Variants in CHODL observed in about 807,000 individuals in gnomAD.
The protein encoded by CHODL is transmembrane protein MT75.
A neutral mutation model predicts 34.5 loss-of-function variants in CHODL; 29 were observed. The observed-to-expected ratio is 0.84, with a 90% confidence interval of 0.63 to 1.15. CHODL has a LOEUF of 1.15. Among genes scored for constraint, CHODL ranks in the 50% most tolerant of loss-of-function variants. The probability of loss-of-function intolerance (pLI) is 0.00; values close to 1 mark genes in which losing one functional copy is unlikely to be tolerated. For missense variants in CHODL, 332 were observed against 332.5 expected, an observed-to-expected ratio of 1.00 and a Z score of 0.01; for synonymous variants, 125 against 116.1, an observed-to-expected ratio of 1.08 and a Z score of -0.49.
In CHODL at chr21:18,251,588, T is replaced by G. The variant is rs1459903692; in HGVS notation, c.80-4921T>G. Among the ~76,000 whole-genome samples, 3 of 3,288 alleles carry G rather than the reference T, an allele frequency of 9.1e-4. No individual in the cohort carries two copies. The Admixed American group carries it at 9.4e-3, about 10-fold the overall frequency. 2.2% of individuals were successfully genotyped at this position (3,288 alleles called of 152,430 possible). A position where few individuals can be genotyped will look rare whatever the true frequency, so the allele number is the denominator to read the frequency against. On this transcript the variant is annotated intron_variant, in intron 1 of 5. Coordinates refer to ENST00000299295, the MANE Select transcript of CHODL (RefSeq NM_024944.3). ...TTTATTTATTTTAATATATAAAATA[T>G]TTATTTTATTTATTTATTTTAATAT...
intron 2 of CHODL, among the ~76,000 whole-genome samples, chr21:18,211,920 GTCTA>G (rs745411150): frequency 6.6e-6 from 1 of 152,066 alleles, no homozygotes; most frequent in Non-Finnish European, 1.5e-5. Context: ...ATATATGAGA[GTCTA>G]TCTATTAAGA....
At chr21:18,128,888 C>T (rs902488028) in intron 2 of CHODL, among the ~76,000 whole-genome samples, 3 of 151,986 alleles carry the variant, frequency 2.0e-5, no homozygotes, top group African/African-American at 4.8e-5. Context: ...TTATTGTAGA[C>T]GTATGAAACT....
At chr21:18,135,932 C>T (rs2072717252) in intron 2 of CHODL, among the ~76,000 whole-genome samples, 1 of 151,670 alleles carries the variant, frequency 6.6e-6, no homozygotes, top group East Asian at 1.9e-4. Context: ...CATGGTGAAA[C>T]CCCGTCTCTA....
intron 2 of CHODL, among the ~76,000 whole-genome samples, chr21:18,039,931 G>A (rs1385229644): frequency 6.6e-6 from 1 of 151,746 alleles, no homozygotes; most frequent in Non-Finnish European, 1.5e-5. Context: ...TTTAACACAT[G>A]TTGAGACTTT....
intron 2 of CHODL, among the ~76,000 whole-genome samples, chr21:18,180,956 A>C (rs1312863912): frequency 2.6e-5 from 4 of 152,224 alleles, no homozygotes; most frequent in Non-Finnish European, 5.9e-5. Flanking sequence ...TTGAATACAA[A>C]ATGCTAAGCC....
At position 18,049,435 on chromosome 21, in the gene CHODL, A is replaced by G. The variant is rs567218098; in HGVS notation, c.-45+21464A>G. ...TCAAGATCAAACATGACTCAGATGTATAACAATACTACTTAGGAAAGTAGT... is the reference window on the plus strand; with the variant it reads ...TCAAGATCAAACATGACTCAGATGTGTAACAATACTACTTAGGAAAGTAGT... On this transcript the variant is annotated intron_variant, in intron 2 of 6. Coordinates refer to the CHODL transcript ENST00000400127. 3.9e-5 allele frequency among the ~76,000 whole-genome samples: 6 copies of G among 152,132 alleles called. No homozygotes were observed. In the South Asian group the frequency reaches 1.0e-3, roughly 26 times the overall value.
chr21:18,102,627 A>G (rs1194303128), intron 2 of CHODL, among the ~76,000 whole-genome samples: 2 of 152,232 alleles, frequency 1.3e-5, no homozygotes, highest in African/African-American at 4.8e-5. Flanking sequence ...TACAGTGTAT[A>G]TAATGCATAG....
chr21:18,077,654 C>A (rs566894076), intron 2 of CHODL, among the ~76,000 whole-genome samples: 5 of 152,234 alleles, frequency 3.3e-5, no homozygotes, highest in African/African-American at 9.6e-5. Flanking sequence ...AGCTCCTTTG[C>A]CCATTTTGCA....
intron 2 of CHODL, among the ~76,000 whole-genome samples, chr21:18,028,332 T>TTCCTTCCTTC (rs1203578771): frequency 6.8e-6 from 1 of 148,126 alleles, no homozygotes; most frequent in Admixed American, 6.8e-5. Flanking sequence ...CCTTCCTTCC[T>TTCCTTCCTTC]CTCTGTTTCT....
chr21:18,002,760 C>G (rs888362385), intron 1 of CHODL, among the ~76,000 whole-genome samples: 7 of 152,122 alleles, frequency 4.6e-5, no homozygotes, highest in African/African-American at 1.7e-4. Context: ...GTTTGATGGA[C>G]AGAGAGGCCT....
chr21:18,056,844 C>T (rs1416858170), intron 2 of CHODL, among the ~76,000 whole-genome samples: 1 of 151,872 alleles, frequency 6.6e-6, no homozygotes, highest in Non-Finnish European at 1.5e-5. Flanking sequence ...TTCTTTTCTC[C>T]TCCCCATGGT....
chr21:18,150,449 T>C (rs2072949579), intron 2 of CHODL, among the ~76,000 whole-genome samples: 1 of 152,122 alleles, frequency 6.6e-6, no homozygotes, highest in Non-Finnish European at 1.5e-5. Flanking sequence ...ATTTCATTTT[T>C]GGTTTGCAGT....
chr21:18,208,738 G>A (rs2073740620), intron 2 of CHODL, among the ~76,000 whole-genome samples: 1 of 152,070 alleles, frequency 6.6e-6, no homozygotes, highest in Non-Finnish European at 1.5e-5. Flanking sequence ...GTAATGACAT[G>A]GCTCTTGCAG....
intron 2 of CHODL, among the ~76,000 whole-genome samples, chr21:18,047,192 A>G (rs1281597956): frequency 1.3e-5 from 2 of 151,904 alleles, no homozygotes; most frequent in South Asian, 4.1e-4. Flanking sequence ...AATTATTATG[A>G]CTCTGGCAGA....
chr21:17,929,229 T>G (rs2063251946), intron 1 of CHODL, among the ~76,000 whole-genome samples: 1 of 152,258 alleles, frequency 6.6e-6, no homozygotes. Context: ...GGCTAGTTGC[T>G]ATTGAGTACT....
chr21:18,107,121 G>C (rs1465479316), intron 2 of CHODL, among the ~76,000 whole-genome samples: 1 of 152,196 alleles, frequency 6.6e-6, no homozygotes, highest in Non-Finnish European at 1.5e-5. Context: ...GAAAGAAATA[G>C]GGGTAATGAG....
In CHODL at chr21:18,266,188, A is replaced by T; in HGVS notation, c.*150A>T. On this transcript the variant is annotated 3_prime_UTR_variant, in exon 6 of 6. Transcript: ENST00000299295. Reference sequence around the variant, plus strand: ...TGAGGCAAATATTAAAGTAATTTTTATATGTCTATTATTTCATTTAAAGAA... The same window carrying T: ...TGAGGCAAATATTAAAGTAATTTTTTTATGTCTATTATTTCATTTAAAGAA... 2 of 1,545,594 alleles carry T rather than the reference A, an allele frequency of 1.3e-6. No individual in the cohort carries two copies. The highest frequency in any genetic ancestry group is 1.7e-6 in the Non-Finnish European group (2 of 1,143,798).
intron 1 of CHODL, among the ~76,000 whole-genome samples, chr21:17,982,748 C>G (rs1352306243): frequency 7.0e-6 from 1 of 143,474 alleles, no homozygotes; most frequent in African/African-American, 2.6e-5. Flanking sequence ...TACTCTGTCA[C>G]CCAGGCTGGA....
intron 1 of CHODL, among the ~76,000 whole-genome samples, chr21:18,251,529 T>A (rs9941790): frequency 1.8e-3 from 1 of 546 alleles, no homozygotes; most frequent in Non-Finnish European, 3.5e-3. Flanking sequence ...ATATTTATTT[T>A]ATTTATTATT....
Sources: allele counts gnomAD v4.1 joint callset (sites outside exome capture counted in the v4.1 genomes callset), GRCh38; gene constraint gnomAD v4.1.1; transcripts MANE v1.5; gene names NCBI Gene and HGNC (gene_info 2026-07-23, HGNC 2026-07-21).